The following CAMK4 variants were observed in gnomAD, a reference collection of about 807,000 sequenced individuals.
The protein encoded by CAMK4 is calcium/calmodulin dependent protein kinase IV.
CAMK4 carries 22 observed loss-of-function variants against 44.9 expected under a neutral mutation model. The ratio of observed to expected loss-of-function variants is 0.49; its 90% CI spans 0.35 to 0.70. The LOEUF (loss-of-function observed/expected upper bound fraction) is 0.70, where lower values mean the gene tolerates loss of function less well. Ranked by LOEUF, CAMK4 falls within the 30% of genes least tolerant of loss-of-function variation. The pLI, the probability that CAMK4 is intolerant of heterozygous loss-of-function variation, is 0.01. For synonymous variants in CAMK4, 218 were observed against 215.4 expected (o/e 1.01, Z -0.11); for missense variants, 498 against 586.8 (o/e 0.85, Z 1.56).
chr5:111,331,053 G>A (rs933627965), intron 1 of CAMK4, among the ~76,000 whole-genome samples: 1 of 151,522 alleles, frequency 6.6e-6, no homozygotes, highest in Non-Finnish European at 1.5e-5. Context: ...TATGACTTGA[G>A]GATGAGCAAT....
chr5:111,439,907 T>C (rs527279807), intron 5 of CAMK4, among the ~76,000 whole-genome samples: 1 of 152,194 alleles, frequency 6.6e-6, no homozygotes, highest in African/African-American at 2.4e-5. Context: ...CAGATGTCTT[T>C]GGGTTGAGAA....
chr5:111,332,235 C>G, intron 1 of CAMK4, among the ~76,000 whole-genome samples: 1 of 77,206 alleles, frequency 1.3e-5, no homozygotes, highest in African/African-American at 4.4e-5. Context: ...CCCCCCTCCC[C>G]CCACCCCACA....
chr5:111,418,667 C>A (rs1167120858), intron 5 of CAMK4, among the ~76,000 whole-genome samples: 1 of 149,686 alleles, frequency 6.7e-6, no homozygotes, highest in African/African-American at 2.5e-5. Flanking sequence ...TGTTCAATTC[C>A]CACCTATGAG....
chr5:111,287,194 C>T (rs184999565), intron 1 of CAMK4, among the ~76,000 whole-genome samples: 1 of 152,146 alleles, frequency 6.6e-6, no homozygotes, highest in East Asian at 1.9e-4. Flanking sequence ...TCTCTCCTTC[C>T]AAAAGTGTAA....
At chr5:111,242,207 T>C (rs1749026848) in intron 1 of CAMK4, among the ~76,000 whole-genome samples, 1 of 152,174 alleles carries the variant, frequency 6.6e-6, no homozygotes, top group African/African-American at 2.4e-5. Flanking sequence ...GATTTCTCCT[T>C]CACCCCTTCC....
intron 5 of CAMK4, among the ~76,000 whole-genome samples, chr5:111,433,474 G>T (rs1046453385): frequency 1.3e-5 from 2 of 152,142 alleles, no homozygotes; most frequent in African/African-American, 4.8e-5. Context: ...TAGCAAACAA[G>T]ATAGAAGCTG....
intron 5 of CAMK4, among the ~76,000 whole-genome samples, chr5:111,433,039 A>T (rs1490349773): frequency 6.6e-6 from 1 of 152,182 alleles, no homozygotes; most frequent in East Asian, 1.9e-4. Flanking sequence ...AGAGAAAATG[A>T]TTCATTTTGC....
Position 111,250,725 on chromosome 5 carries a change from G to C in CAMK4, c.161+26081G>C, listed in dbSNP as rs1357485429. 3.9e-5 allele frequency among the ~76,000 whole-genome samples: 6 copies of C among 152,102 alleles called. No homozygotes were observed. In the South Asian group the frequency reaches 1.2e-3, roughly 32 times the overall value. On this transcript the variant is annotated intron_variant, in intron 1 of 10. Transcript: ENST00000282356. The stretch of plus-strand genomic sequence containing the variant: ...GTTTTCCATTCTCCATCACCACTAT[G>C]ATCTTTTCTGACATCCATTTATCCT...
rs1228997067 is a variant in CAMK4, at chr5:111,476,268, TG to T, written c.702-2112del. Among the ~76,000 whole-genome samples the T allele has an allele frequency of 5.2e-3, 730 of 139,260 alleles. 3 individuals are homozygous for T. Among genetic ancestry groups the T allele is most frequent in the African/African-American group, 0.018 (637 of 36,150 alleles). The allele number at this position is 139,260 out of a possible 152,430, so 91.4% of individuals were successfully genotyped here. A position where few individuals can be genotyped will look rare whatever the true frequency, so the allele number is the denominator to read the frequency against. ...GTGTGTGTGTGTGTGTGTGTGTGTG[TG>T]TTTGTGTGTGTGTGTGTGTGTGTGT... On this transcript the variant is annotated intron_variant, in intron 8 of 10. Transcript: ENST00000282356.
At chr5:111,355,350 C>G (rs1750293531) in intron 2 of CAMK4, among the ~76,000 whole-genome samples, 1 of 152,040 alleles carries the variant, frequency 6.6e-6, no homozygotes, top group Non-Finnish European at 1.5e-5. Flanking sequence ...AATGTTAAAT[C>G]TTGGCCTGAT....
At chr5:111,361,300 G>A (rs547655565) in intron 2 of CAMK4, among the ~76,000 whole-genome samples, 1 of 152,032 alleles carries the variant, frequency 6.6e-6, no homozygotes, top group East Asian at 1.9e-4. Flanking sequence ...TAGTTTTAAG[G>A]ATCAAGGAAA....
At chr5:111,293,332 A>T (rs1321331238) in intron 1 of CAMK4, among the ~76,000 whole-genome samples, 1 of 152,216 alleles carries the variant, frequency 6.6e-6, no homozygotes, top group Admixed American at 6.5e-5. Context: ...ATTAGTTTCA[A>T]TATTTTTAAA....
intron 7 of CAMK4, among the ~76,000 whole-genome samples, chr5:111,472,274 C>T (rs114641203): frequency 0.011 from 1,697 of 152,200 alleles, 22 homozygotes; most frequent in African/African-American, 0.039. Flanking sequence ...ACTTGCATTC[C>T]AACCCCTATC....
chr5:111,261,957 C>T (rs897544439), intron 1 of CAMK4, among the ~76,000 whole-genome samples: 1 of 152,042 alleles, frequency 6.6e-6, no homozygotes. Context: ...TTGGGGTACA[C>T]AGCCTGGGAT....
rs1755617419 is a variant in CAMK4 at position 111,486,337 on chromosome 5, TC to T, written c.*1872del. 6.6e-6 allele frequency: 1 copy of T among 152,030 alleles called. No individual in the cohort carries two copies. The highest frequency in any genetic ancestry group is 2.4e-5 in the African/African-American group (1 of 41,384). The allele number at this position is 152,030 out of a possible 1,614,324, so 9.4% of individuals were successfully genotyped here. ...AGTAGAGAGCACTTTTCTTATTCCCTCTTTCCTTCCTTCCTCATTTAATTAT... is the reference window on the plus strand; with the variant it reads ...AGTAGAGAGCACTTTTCTTATTCCCTTTTCCTTCCTTCCTCATTTAATTAT... On this transcript the variant is annotated 3_prime_UTR_variant, in exon 11 of 11. Transcript: ENST00000282356.
intron 1 of CAMK4, among the ~76,000 whole-genome samples, chr5:111,314,588 G>A (rs1409566333): frequency 6.6e-6 from 1 of 151,996 alleles, no homozygotes; most frequent in Non-Finnish European, 1.5e-5. Context: ...ACTTTAAAAA[G>A]CTGATAGTTA....
At chr5:111,480,320 C>G (rs1453454315) in intron 9 of CAMK4, among the ~76,000 whole-genome samples, 2 of 149,298 alleles carry the variant, frequency 1.3e-5, no homozygotes, top group Non-Finnish European at 3.0e-5. Context: ...CAAGCCCCAG[C>G]TGCCACTAGA....
intron 1 of CAMK4, among the ~76,000 whole-genome samples, chr5:111,326,585 T>C (rs937671376): frequency 3.3e-5 from 5 of 151,908 alleles, no homozygotes; most frequent in African/African-American, 1.2e-4. Flanking sequence ...TCCACCTTTT[T>C]TTTTTAAATA....
intron 5 of CAMK4, among the ~76,000 whole-genome samples, chr5:111,405,151 G>A (rs990513570): frequency 2.0e-5 from 3 of 152,182 alleles, no homozygotes; most frequent in Non-Finnish European, 2.9e-5. Flanking sequence ...TCTTGCCAGA[G>A]AAAGTTGTAT....
Sources: allele counts gnomAD v4.1 joint callset (sites outside exome capture counted in the v4.1 genomes callset), GRCh38; gene constraint gnomAD v4.1.1; transcripts MANE v1.5; gene names NCBI Gene and HGNC (gene_info 2026-07-23, HGNC 2026-07-21).